The following DNAH11 variants were observed in gnomAD, a reference collection of about 807,000 sequenced individuals.
DNAH11 encodes the protein dynein axonemal heavy chain 11.
A neutral mutation model predicts 526.0 loss-of-function variants in DNAH11; 442 were observed. That is an observed-to-expected ratio of 0.84 (90% CI 0.78 to 0.91). The LOEUF is 0.91. Ranked by LOEUF, DNAH11 falls within the 40% of genes least tolerant of loss-of-function variation. DNAH11 has a pLI of 0.00. For synonymous variants in DNAH11, 2,461 were observed against 1,935.9 expected (o/e 1.27, Z -7.12); for missense variants, 6,989 against 5,448.7 (o/e 1.28, Z -8.90).
intron 12 of DNAH11, 43 bp from the exon 13 acceptor site, chr7:21,590,875 A>G (rs952880495): frequency 1.7e-6 from 2 of 1,149,176 alleles, no homozygotes; most frequent in Non-Finnish European, 2.3e-6. Flanking sequence ...ATAGAATGAC[A>G]TTATGAAAAT....
chr7:21,838,038 G>A (rs924909621), intron 65 of DNAH11, among the ~76,000 whole-genome samples: 11 of 152,162 alleles, frequency 7.2e-5, no homozygotes, highest in Non-Finnish European at 2.9e-5. Flanking sequence ...AGAACTAGCC[G>A]TGAACTATAC....
rs1288400802 is a variant in DNAH11, at chr7:21,599,955, G to A, written c.2836G>A (p.Ala946Thr). 1 of 1,613,550 alleles carries A rather than the reference G, an allele frequency of 6.2e-7. No individual in the cohort carries two copies. The highest frequency in any genetic ancestry group is 8.5e-7 in the Non-Finnish European group (1 of 1,179,702). The change falls in exon 15 of 82, where the codon GCA (alanine) becomes ACA (threonine). Residue 946 changes from alanine to threonine, a missense_variant. Ala to Thr is a moderately conservative substitution (Grantham distance 58, BLOSUM62 0). Transcript: ENST00000409508. ...KQLKPAPFFQ[A>T]QMILLPPEIV... is the part of the protein sequence containing the mutation. ...ATTGAAACCGGCACCGTTTTTTCAA[G>A]CACAAATGATCTTGTTGCCTCCTGA...
chr7:21,569,716 G>A (rs1783808124), intron 6 of DNAH11, among the ~76,000 whole-genome samples: 1 of 152,132 alleles, frequency 6.6e-6, no homozygotes, highest in Admixed American at 6.6e-5. Context: ...TTCCTTGTCT[G>A]CCTCGTATAT....
chr7:21,823,457 T>A (rs1434649774), intron 65 of DNAH11, among the ~76,000 whole-genome samples: 1 of 152,166 alleles, frequency 6.6e-6, no homozygotes, highest in Non-Finnish European at 1.5e-5. Context: ...AAATTCACTA[T>A]ATTTAGGATT....
chr7:21,656,012 A>G, intron 29 of DNAH11, 31 bp downstream of exon 29: 2 of 1,547,840 alleles, frequency 1.3e-6, no homozygotes, highest in South Asian at 2.5e-5. Context: ...TTTCTATGCT[A>G]GGGGAGTATT....
At chr7:21,756,126 T>C (rs1786625461) in intron 54 of DNAH11, among the ~76,000 whole-genome samples, 1 of 152,092 alleles carries the variant, frequency 6.6e-6, no homozygotes, top group Admixed American at 6.5e-5. Context: ...AAGCAATTTT[T>C]GCACTCCATG....
chr7:21,616,214 C>A lies in DNAH11; in HGVS notation c.4017C>A (p.Ser1339Arg). The part of the protein sequence containing the change: ...LWDVIIYVRR[S>R]IDNWTKTQWR... ...ATCTGCTTTTGCGTTTTCAGAGAAG[C>A]ATTGATAATTGGACTAAAACCCAGT... Residue 1339 changes from serine (S) to arginine (R), a missense_variant, in exon 22 of 82, where the codon AGC (serine) becomes AGA (arginine). Transcript: ENST00000409508. 1 of 1,613,240 alleles carries A rather than the reference C, an allele frequency of 6.2e-7. No homozygotes were observed. The highest frequency in any genetic ancestry group is 8.5e-7 in the Non-Finnish European group (1 of 1,179,444).
At chr7:21,750,452 G>A (rs1786365659) in intron 54 of DNAH11, 88 bp downstream of exon 54, 2 of 1,494,292 alleles carry the variant, frequency 1.3e-6, no homozygotes, top group Admixed American at 4.5e-5. Context: ...TTATGAGTTT[G>A]AATTTCAGTC....
At chr7:21,622,989 G>A (rs1786150733) in intron 25 of DNAH11, among the ~76,000 whole-genome samples, 1 of 152,196 alleles carries the variant, frequency 6.6e-6, no homozygotes, top group African/African-American at 2.4e-5. Flanking sequence ...AAACTGAAGA[G>A]CTTCTGCACA....
chr7:21,830,948 C>T (rs1161614438), intron 65 of DNAH11, among the ~76,000 whole-genome samples: 6 of 152,104 alleles, frequency 3.9e-5, no homozygotes, highest in Non-Finnish European at 8.8e-5. Flanking sequence ...AAATCTCAGC[C>T]AGTGGGAAGA....
chr7:21,899,958 A>C, intron 80 of DNAH11, 22 bp from the exon 81 acceptor site: 1 of 1,612,758 alleles, frequency 6.2e-7, no homozygotes, highest in Non-Finnish European at 8.5e-7. Context: ...TATCCTATTC[A>C]ATTTTTGTTA....
intron 69 of DNAH11, among the ~76,000 whole-genome samples, chr7:21,863,078 AAG>A (rs531023219): frequency 0.51 from 52,221 of 102,132 alleles, 11,635 homozygotes; most frequent in Non-Finnish European, 0.6. Flanking sequence ...AAAAAAAAAA[AAG>A]AAAAAGAAAA....
At chr7:21,677,565 A>G (rs893674999) in intron 30 of DNAH11, among the ~76,000 whole-genome samples, 9 of 152,076 alleles carry the variant, frequency 5.9e-5, no homozygotes, top group Admixed American at 5.2e-4. Flanking sequence ...TTGTATTTTT[A>G]GTAGAGATGG....
intron 62 of DNAH11, among the ~76,000 whole-genome samples, chr7:21,804,375 C>T (rs1159560953): frequency 6.6e-6 from 1 of 152,182 alleles, no homozygotes; most frequent in Non-Finnish European, 1.5e-5. Context: ...TCCCAAAGTG[C>T]TGGGATTACA....
intron 18 of DNAH11, among the ~76,000 whole-genome samples, chr7:21,603,449 G>A (rs1785168404): frequency 6.6e-6 from 1 of 152,150 alleles, no homozygotes; most frequent in Admixed American, 6.5e-5. Flanking sequence ...TCATCTGGTA[G>A]TTCTATATTT....
At chr7:21,753,097 G>A (rs1363116111) in intron 54 of DNAH11, among the ~76,000 whole-genome samples, 1 of 152,162 alleles carries the variant, frequency 6.6e-6, no homozygotes, top group Non-Finnish European at 1.5e-5. Flanking sequence ...GTCCAGACTG[G>A]CTCAGTATTA....
At position 21,738,841 on chromosome 7, in the gene DNAH11, C is replaced by T. The variant is rs770163877; in HGVS notation, c.7786C>T (p.Arg2596Trp). 5.6e-6 allele frequency: 9 copies of T among 1,602,666 alleles called. No homozygotes were observed. Among genetic ancestry groups the T allele is most frequent in the South Asian group, 2.3e-5 (2 of 87,516 alleles). The change falls in exon 47 of 82, where the codon CGG becomes TGG. Residue 2596 changes from arginine (R) to tryptophan (W), a missense_variant. Coordinates refer to ENST00000409508, the MANE Select transcript of DNAH11 (RefSeq NM_001277115.2). ...CACCGTTCAGCCTCACACCCTGATC[C>T]GGCAGCATATTGATTATGGACATTG... ...YGTVQPHTLI[R>W]QHIDYGHWYD...
At chr7:21,751,655 C>G (rs1419498778) in intron 54 of DNAH11, among the ~76,000 whole-genome samples, 1 of 152,170 alleles carries the variant, frequency 6.6e-6, no homozygotes, top group Non-Finnish European at 1.5e-5. Context: ...GAGACGGGTA[C>G]TGGCATTGGC....
chr7:21,617,165 T>C (rs1785819034), intron 22 of DNAH11, among the ~76,000 whole-genome samples: 1 of 152,168 alleles, frequency 6.6e-6, no homozygotes, highest in Non-Finnish European at 1.5e-5. Context: ...TATTTGGCAT[T>C]TTAAGATGAT....
Sources: gnomAD v4.1 joint callset for allele counts (sites outside exome capture counted in the v4.1 genomes callset) on GRCh38, gnomAD v4.1.1 for gene constraint, MANE v1.5 for transcripts, NCBI Gene and HGNC (gene_info 2026-07-23, HGNC 2026-07-21) for gene names.